Variants in SPECC1L observed in about 807,000 individuals in gnomAD.
SPECC1L encodes the protein cytospin-A.
Under a neutral mutation model 116.8 loss-of-function variants are expected in SPECC1L, and 40 were observed. The observed-to-expected ratio is 0.34, with a 90% CI of 0.27 to 0.45. SPECC1L has a LOEUF of 0.45. Ranked by LOEUF, SPECC1L falls within the 20% of genes least tolerant of loss-of-function variation. SPECC1L has a pLI of 1.00. For missense variants in SPECC1L, 1,110 were observed against 1,373.6 expected (o/e 0.81, Z 3.03); for synonymous variants, 504 against 500.6 (o/e 1.01, Z -0.09).
intron 3 of SPECC1L, 149 bp downstream of exon 3, chr22:24,302,533 G>T (rs973360812): frequency 2.0e-6 from 2 of 1,001,542 alleles, no homozygotes; most frequent in Non-Finnish European, 3.1e-6. Flanking sequence ...CAGTGGGGTG[G>T]ACCTAATTGC....
At chr22:24,328,755 C>T (rs562069009) in intron 6 of SPECC1L, 91 bp from the exon 7 acceptor site, 7 of 1,001,754 alleles carry the variant, frequency 7.0e-6, no homozygotes, top group East Asian at 2.6e-5. Flanking sequence ...TAACTTTTTT[C>T]GAATGTCATA....
chr22:24,293,324 G>T (rs1398618559), intron 2 of SPECC1L, among the ~76,000 whole-genome samples: 1 of 152,114 alleles, frequency 6.6e-6, no homozygotes, highest in Non-Finnish European at 1.5e-5. Context: ...GTGGTGGTAC[G>T]CACCTGTAGT....
At chr22:24,305,283 CAG>C (rs1194230097) in intron 3 of SPECC1L, among the ~76,000 whole-genome samples, 5 of 152,202 alleles carry the variant, frequency 3.3e-5, no homozygotes, top group African/African-American at 7.2e-5. Flanking sequence ...GTTCAAGAAA[CAG>C]AACATATGTG....
intron 2 of SPECC1L, among the ~76,000 whole-genome samples, chr22:24,283,786 A>T (rs1029113880): frequency 3.9e-5 from 6 of 152,202 alleles, no homozygotes; most frequent in African/African-American, 7.2e-5. Flanking sequence ...TCACTGTTTG[A>T]GCTTCGATAG....
intron 8 of SPECC1L, among the ~76,000 whole-genome samples, chr22:24,332,129 A>G (rs2040951389): frequency 6.6e-6 from 1 of 152,188 alleles, no homozygotes; most frequent in Admixed American, 6.5e-5. Flanking sequence ...TTTGGTGGGT[A>G]TTTTGTGAAA....
At chr22:24,272,415 G>C (rs1451698061) in intron 1 of SPECC1L, among the ~76,000 whole-genome samples, 2 of 152,006 alleles carry the variant, frequency 1.3e-5, no homozygotes, top group African/African-American at 4.8e-5. Context: ...GCTCACGCCT[G>C]TAATCACAGT....
At chr22:24,316,425 G>GCCTT (rs1436693077) in intron 4 of SPECC1L, among the ~76,000 whole-genome samples, 1 of 151,162 alleles carries the variant, frequency 6.6e-6, no homozygotes, top group African/African-American at 2.4e-5. Flanking sequence ...GGACCCTGCG[G>GCCTT]CCTTCCGCAG....
At position 24,369,252 on chromosome 22, in the gene SPECC1L, A is replaced by G. The variant is rs1601294888; in HGVS notation, c.3019A>G (p.Arg1007Gly). ...ERKDPLSALA[R>G]EYGGSKRNAL... is the part of the protein sequence containing the mutation. ...GAAAGACCCTCTCTCAGCATTGGCCAGAGAATATGGAGGATCAAAGAGGAA... is the reference window on the plus strand; with the variant it reads ...GAAAGACCCTCTCTCAGCATTGGCCGGAGAATATGGAGGATCAAAGAGGAA... The change falls in exon 14 of 17, where the codon AGA becomes GGA. Residue 1007 changes from arginine (R) to glycine (G), a missense_variant. Transcript: ENST00000314328. 3 of 1,614,078 alleles carry G rather than the reference A, an allele frequency of 1.9e-6. No individual in the cohort carries two copies. The highest frequency in any genetic ancestry group is 2.5e-6 in the Non-Finnish European group (3 of 1,179,874).
chr22:24,371,178 C>G (rs1164252966), intron 14 of SPECC1L, among the ~76,000 whole-genome samples: 1 of 152,174 alleles, frequency 6.6e-6, no homozygotes, highest in Non-Finnish European at 1.5e-5. Context: ...TTGAATAGTA[C>G]TGTATACCAA....
intron 14 of SPECC1L, among the ~76,000 whole-genome samples, chr22:24,407,640 T>C (rs2042618279): frequency 1.3e-5 from 2 of 152,214 alleles, no homozygotes; most frequent in Admixed American, 1.3e-4. Flanking sequence ...CCACACGTTA[T>C]TAAGAAGCTT....
At chr22:24,413,446 G>A (rs1295674662) in intron 16 of SPECC1L, among the ~76,000 whole-genome samples, 3 of 152,202 alleles carry the variant, frequency 2.0e-5, no homozygotes, top group Admixed American at 2.0e-4. Flanking sequence ...GCCAGTCCAA[G>A]CCCCAAACAG....
At chr22:24,403,259 C>A (rs896121764) in intron 14 of SPECC1L, among the ~76,000 whole-genome samples, 13 of 152,006 alleles carry the variant, frequency 8.6e-5, no homozygotes, top group Non-Finnish European at 1.5e-4. Context: ...GTTTTGTCGA[C>A]CCTAATCCAA....
In SPECC1L at chr22:24,403,729, A is replaced by G. The variant is rs559645542; in HGVS notation, c.3088-7859A>G. Among the ~76,000 whole-genome samples, 10 of 152,348 alleles carry G rather than the reference A, an allele frequency of 6.6e-5. No individual in the cohort carries two copies. The South Asian group carries it at 1.7e-3, about 25-fold the overall frequency. On this transcript the variant is annotated intron_variant, in intron 14 of 16. Coordinates refer to ENST00000314328, the MANE Select transcript of SPECC1L (RefSeq NM_015330.6). ...GCCACTTTTACTAAATAGAAATGCT[A>G]TTTCTAGGCAAGGTCTGTGAAATAA...
intron 2 of SPECC1L, 136 bp from the exon 3 acceptor site, chr22:24,302,059 A>T: frequency 2.8e-6 from 2 of 702,924 alleles, no homozygotes; most frequent in African/African-American, 1.8e-5. Context: ...AAAAAAAAAA[A>T]ATTTTTTTTC....
chr22:24,395,540 G>A (rs1167624984), intron 14 of SPECC1L, among the ~76,000 whole-genome samples: 2 of 57,886 alleles, frequency 3.5e-5, no homozygotes, highest in Non-Finnish European at 1.1e-4. Context: ...AAAGACAGAG[G>A]AAGAAGAGCA....
chr22:24,408,994 G>GC (rs964644955), intron 14 of SPECC1L, among the ~76,000 whole-genome samples: 8 of 152,240 alleles, frequency 5.3e-5, no homozygotes, highest in Non-Finnish European at 8.8e-5. Flanking sequence ...ACACATCCTT[G>GC]CAGCTCTGAG....
At chr22:24,296,479 G>A (rs1186279160) in intron 2 of SPECC1L, among the ~76,000 whole-genome samples, 1 of 152,244 alleles carries the variant, frequency 6.6e-6, no homozygotes, top group African/African-American at 2.4e-5. Flanking sequence ...GTTTTTATGA[G>A]GAGAGCTACT....
rs199998614 is a variant in SPECC1L at position 24,363,362 on chromosome 22, A to G, written c.2827+18A>G. On this transcript the variant is annotated intron_variant, in intron 12 of 16. Coordinates refer to ENST00000314328, the MANE Select transcript of SPECC1L (RefSeq NM_015330.6). ...CCTCTCAGGTGATGACTTTCATCTGAATTTTTGTTGTATTTGTTGTTTTTT... is the reference window on the plus strand; with the variant it reads ...CCTCTCAGGTGATGACTTTCATCTGGATTTTTGTTGTATTTGTTGTTTTTT... The G allele has an allele frequency of 1.2e-6, 2 of 1,607,884 alleles. No individual in the cohort carries two copies. The highest frequency in any genetic ancestry group is 1.7e-6 in the Non-Finnish European group (2 of 1,174,482).
intron 3 of SPECC1L, among the ~76,000 whole-genome samples, chr22:24,303,844 GGTGTGTGTGTGTGTGTGTGTGTGT>G (rs3031935): frequency 1.4e-5 from 2 of 144,092 alleles, no homozygotes; most frequent in East Asian, 4.1e-4. Context: ...GTTTAAATAG[GGTGTGTGTGTGTGTGTGTGTGTGT>G]GTGTGTGTGT....
Sources: gnomAD v4.1 joint callset for allele counts (sites outside exome capture counted in the v4.1 genomes callset) on GRCh38, gnomAD v4.1.1 for gene constraint, MANE v1.5 for transcripts, NCBI Gene and HGNC (gene_info 2026-07-23, HGNC 2026-07-21) for gene names.